The following HLA-G variants were observed in gnomAD, a reference collection of about 807,000 sequenced individuals.
HLA-G encodes major histocompatibility complex, class I, G.
In HLA-G, 34 loss-of-function variants were observed where a neutral mutation model predicts 39.3. The observed-to-expected ratio is 0.86, with a 90% CI of 0.66 to 1.15. The LOEUF (loss-of-function observed/expected upper bound fraction) is 1.15. HLA-G is among the 50% of genes most tolerant of loss of function. The pLI is 0.00. For missense variants in HLA-G, 419 were observed against 456.4 expected (o/e 0.92, Z 0.75); for synonymous variants, 183 against 185.8 (o/e 0.99, Z 0.12).
intron 5 of HLA-G, among the ~76,000 whole-genome samples, chr6:29,830,156 C>T (rs1632933): frequency 0.49 from 73,782 of 152,018 alleles, 18,143 homozygotes; most frequent in South Asian, 0.67. Context: ...GACCTGATCC[C>T]AGTAATCACA....
chr6:29,828,059 T>A lies in HLA-G; in HGVS notation c.86T>A (p.Met29Lys), dbSNP rs555347515. Residue 29 changes from methionine to lysine, a missense_variant, in exon 2 of 7, where the codon ATG becomes AAG. Met to Lys is a moderately conservative substitution (Grantham distance 95). Transcript: ENST00000360323. ...TCCTCGCCCCCAGGCTCCCACTCCA[T>A]GAGGTATTTCAGCGCCGCCGTGTCC... is the stretch of plus-strand genomic sequence containing the variant. ...LTETWAGSHS[M>K]RYFSAAVSRP... is the part of the protein sequence containing the mutation. 1.9e-6 allele frequency: 3 copies of A among 1,610,364 alleles called. No homozygotes were observed. The African/African-American group carries it at 4.0e-5, about 21-fold the overall frequency.
chr6:29,828,097 G>C lies in HLA-G; in HGVS notation c.124G>C (p.Gly42Arg), dbSNP rs1210439429. ...FSAAVSRPGR[G>R]EPRFIAMGYV... is the part of the protein sequence containing the mutation. Reference sequence around the variant, plus strand: ...CGCCGCCGTGTCCCGGCCCGGCCGCGGGGAGCCCCGCTTCATCGCCATGGG... The same window carrying C: ...CGCCGCCGTGTCCCGGCCCGGCCGCCGGGAGCCCCGCTTCATCGCCATGGG... The change falls in exon 2 of 7, where the codon GGG becomes CGG. Residue 42 changes from glycine (G) to arginine (R), a missense_variant. Coordinates refer to ENST00000360323, the MANE Select transcript of HLA-G (RefSeq NM_001384290.1). 6.2e-7 allele frequency: 1 copy of C among 1,612,446 alleles called. No homozygotes were observed. Among genetic ancestry groups the C allele is most frequent in the Non-Finnish European group, 8.5e-7 (1 of 1,179,686 alleles).
rs41562616 is a variant in HLA-G, at chr6:29,829,434, C to T, written c.636C>T (p.His212=). ...TCCTTTCAGACCCCCCCAAGACACA[C>T]GTGACCCACCACCCTGTCTTTGACT... ...MLQRADPPKT[H]VTHHPVFDYE... Residue 212 remains histidine (H), a synonymous_variant, in exon 4 of 7, where the codon CAC becomes CAT. Coordinates refer to ENST00000360323, the MANE Select transcript of HLA-G (RefSeq NM_001384290.1). 64,195 of 1,613,360 alleles carry T rather than the reference C, an allele frequency of 0.04. 1,733 individuals are homozygous for T. Among genetic ancestry groups the T allele is most frequent in the African/African-American group, 0.1 (7,747 of 74,884 alleles).
intron 2 of HLA-G, 33 bp downstream of exon 2, chr6:29,828,349 A>ACCC (rs3215482): frequency 6.3e-7 from 1 of 1,587,480 alleles, no homozygotes; most frequent in Non-Finnish European, 8.6e-7. Context: ...GCAGATCACG[A>ACCC]CCCCCACCTC....
Position 29,828,753 on chromosome 6 carries a change from A to G in HLA-G, c.554A>G (p.Glu185Gly), listed in dbSNP as rs746923096. The G allele has an allele frequency of 6.2e-7, 1 of 1,613,970 alleles. No homozygotes were observed. The highest frequency in any genetic ancestry group is 8.5e-7 in the Non-Finnish European group (1 of 1,180,018). The change falls in exon 3 of 7, where the codon GAG (glutamate) becomes GGG (glycine). Residue 185 changes from glutamate to glycine, a missense_variant. Glu to Gly is a moderately conservative substitution (Grantham distance 98). Transcript: ENST00000360323. Reference sequence around the variant, plus strand: ...GCTGAACAAAGGAGAGCCTACCTGGAGGGCACGTGCGTGGAGTGGCTCCAC... The same window carrying G: ...GCTGAACAAAGGAGAGCCTACCTGGGGGGCACGTGCGTGGAGTGGCTCCAC... The part of the protein sequence containing the change: ...NVAEQRRAYL[E>G]GTCVEWLHRY...
At chr6:29,827,609 C>T (rs896944542), upstream of HLA-G, 20 of 564,670 alleles carry the variant, frequency 3.5e-5, no homozygotes, top group African/African-American at 3.2e-4. Context: ...TCAAGCGTGG[C>T]TCTCAGGGTC....
Position 29,828,557 on chromosome 6 carries a change from C to T in HLA-G, c.358C>T (p.Gln120Ter), listed in dbSNP as rs1380343008. The change falls in exon 3 of 7, where the codon CAG becomes TAG. Residue 120 changes from glutamine to a stop codon, truncating the protein, a stop_gained. Transcript: ENST00000360323. LOFTEE classifies it high-confidence loss of function. ...NQSEASSHTL[Q>*]WMIGCDLGSD... ...GGTGGGGCCAGGTTCTCACACCCTC[C>T]AGTGGATGATTGGCTGCGACCTGGG... 6.2e-7 allele frequency: 1 copy of T among 1,612,788 alleles called. No individual in the cohort carries two copies. Among genetic ancestry groups the T allele is most frequent in the Non-Finnish European group, 8.5e-7 (1 of 1,179,920 alleles).
At position 29,828,161 on chromosome 6, in the gene HLA-G, A is replaced by T; in HGVS notation, c.188A>T (p.Asp63Val). 2 of 1,613,238 alleles carry T rather than the reference A, an allele frequency of 1.2e-6. No individual in the cohort carries two copies. The highest frequency in any genetic ancestry group is 1.7e-6 in the Non-Finnish European group (2 of 1,179,838). ...DDTQFVRFDS[D>V]SACPRMEPRA... The stretch of plus-strand genomic sequence containing the variant: ...ACGCAGTTCGTGCGGTTCGACAGCG[A>T]CTCGGCGTGTCCGAGGATGGAGCCG... The change falls in exon 2 of 7, where the codon GAC (aspartate) becomes GTC (valine). Residue 63 changes from aspartate (D) to valine (V), a missense_variant. Asp to Val is a radical substitution (Grantham distance 152). Transcript: ENST00000360323.
In HLA-G at chr6:29,828,535, G is replaced by A. The variant is rs201298909; in HGVS notation, c.344-8G>A. On this transcript the variant is annotated splice_polypyrimidine_tract_variant and splice_region_variant and intron_variant, in intron 2 of 6. Coordinates refer to ENST00000360323, the MANE Select transcript of HLA-G (RefSeq NM_001384290.1). ...GGTGGGCGGGGCTGACCGAGGGGGT[G>A]GGGCCAGGTTCTCACACCCTCCAGT... 1 of 1,611,072 alleles carries A rather than the reference G, an allele frequency of 6.2e-7. No homozygotes were observed.
At chr6:29,830,508 A>G in intron 6 of HLA-G, 98 bp downstream of exon 6, 3 of 1,054,608 alleles carry the variant, frequency 2.8e-6, no homozygotes, top group Non-Finnish European at 4.5e-6. Flanking sequence ...CTCTGGCCAC[A>G]TCTCCTGTGG....
upstream of HLA-G, chr6:29,827,554 A>G (rs765286196): frequency 4.6e-6 from 2 of 436,874 alleles, no homozygotes; most frequent in African/African-American, 2.0e-5. Flanking sequence ...CTGAGACAGA[A>G]CGCTTGGCAC....
rs759548979 is a variant in HLA-G at position 29,829,607 on chromosome 6, C to T, written c.809C>T (p.Ala270Val). The T allele has an allele frequency of 2.5e-6, 4 of 1,614,094 alleles. No individual in the cohort carries two copies. In the South Asian group the frequency reaches 3.3e-5, roughly 13 times the overall value. The change falls in exon 4 of 7, where the codon GCT (alanine) becomes GTT (valine). Residue 270 changes from alanine (A) to valine (V), a missense_variant. Coordinates refer to ENST00000360323, the MANE Select transcript of HLA-G (RefSeq NM_001384290.1). ...GATGGAACCTTCCAGAAGTGGGCAG[C>T]TGTGGTGGTGCCTTCTGGAGAGGAG... is the stretch of plus-strand genomic sequence containing the variant. ...AGDGTFQKWA[A>V]VVVPSGEEQR...
intron 2 of HLA-G, 53 bp from the exon 3 acceptor site, chr6:29,828,490 T>G: frequency 6.3e-7 from 1 of 1,588,098 alleles, no homozygotes. Flanking sequence ...CGCGGGTGGG[T>G]CCGGGCGAGG....
Position 29,828,149 on chromosome 6 carries a change from G to A in HLA-G, c.176G>A (p.Arg59Gln), listed in dbSNP as rs1415054338. ...TACGTGGACGACACGCAGTTCGTGC[G>A]GTTCGACAGCGACTCGGCGTGTCCG... The part of the protein sequence containing the change: ...MGYVDDTQFV[R>Q]FDSDSACPRM... Residue 59 changes from arginine (R) to glutamine (Q), a missense_variant, in exon 2 of 7, where the codon CGG becomes CAG. This residue lies in a region of HLA-G where 91 missense variants were observed against 133.4 expected (regional missense o/e 0.68). Transcript: ENST00000360323. 6.2e-7 allele frequency: 1 copy of A among 1,613,196 alleles called. No homozygotes were observed. Among genetic ancestry groups the A allele is most frequent in the African/African-American group, 1.3e-5 (1 of 74,916 alleles).
At chr6:29,826,503 C>T (rs975133600), upstream of HLA-G, among the ~76,000 whole-genome samples, 13 of 152,068 alleles carry the variant, frequency 8.5e-5, no homozygotes, top group African/African-American at 3.1e-4. Flanking sequence ...AGAGAGAACA[C>T]TCATGTAGCA....
intron 1 of HLA-G, 64 bp from the exon 2 acceptor site, chr6:29,827,983 C>A: frequency 6.3e-7 from 1 of 1,590,036 alleles, no homozygotes; most frequent in East Asian, 2.2e-5. Context: ...CCGGCGGGGG[C>A]GCAGGACTCG....
At position 29,829,701 on chromosome 6, in the gene HLA-G, G is replaced by A. The variant is rs1349689579; in HGVS notation, c.895+8G>A. On this transcript the variant is annotated splice_region_variant and intron_variant, in intron 4 of 6. Transcript: ENST00000360323. ...CCCTCATGCTGAGATGGAGTAAGGAGGGAGATGGAGGCATCATGTCTGTTA... is the reference window on the plus strand; with the variant it reads ...CCCTCATGCTGAGATGGAGTAAGGAAGGAGATGGAGGCATCATGTCTGTTA... 1 of 1,611,592 alleles carries A rather than the reference G, an allele frequency of 6.2e-7. No individual in the cohort carries two copies. The highest frequency in any genetic ancestry group is 1.1e-5 in the South Asian group (1 of 90,888).
chr6:29,830,603 G>A lies in HLA-G; in HGVS notation c.*29-165G>A, dbSNP rs1761189448. On this transcript the variant is annotated intron_variant, in intron 6 of 6. Transcript: ENST00000360323. ...TGTGTCTCTCACGGCTTGTAAATGTGACACCCCGGGGGGCCTGATGTGTGT... is the reference window on the plus strand; with the variant it reads ...TGTGTCTCTCACGGCTTGTAAATGTAACACCCCGGGGGGCCTGATGTGTGT... The A allele has an allele frequency of 4.0e-6, 3 of 747,676 alleles. No individual in the cohort carries two copies. In the Admixed American group the frequency reaches 5.4e-5, roughly 13 times the overall value. 46.3% of individuals were successfully genotyped at this position (747,676 alleles called of 1,614,324 possible).
chr6:29,830,548 T>C (rs879147414), intron 6 of HLA-G, 138 bp downstream of exon 6: 119 of 843,232 alleles, frequency 1.4e-4, no homozygotes, highest in South Asian at 1.4e-3. Context: ...TTTGTTCTAC[T>C]CTAGGCAGTG....
Sources: gnomAD v4.1 joint callset for allele counts (sites outside exome capture counted in the v4.1 genomes callset) on GRCh38, gnomAD v4.1.1 for gene constraint, gnomAD v4.1.1 regional missense constraint, MANE v1.5 for transcripts, NCBI Gene and HGNC (gene_info 2026-07-23, HGNC 2026-07-21) for gene names.